The following SUMF1 variants were observed in gnomAD, a reference collection of about 807,000 sequenced individuals.
The protein encoded by SUMF1 is sulfatase modifying factor 1.
Under a neutral mutation model 47.6 loss-of-function variants are expected in SUMF1, and 48 were observed. That is an observed-to-expected ratio of 1.01 (90% CI 0.80 to 1.28). The LOEUF is 1.28. Ranked by LOEUF, SUMF1 falls within the 50% of genes most tolerant of loss-of-function variation. SUMF1 has a pLI of 0.00. For synonymous variants in SUMF1, 230 were observed against 192.1 expected (o/e 1.20, Z -1.63); for missense variants, 571 against 485.4 (o/e 1.18, Z -1.66).
At chr3:4,327,763 A>T (rs557514063) in intron 8 of SUMF1, among the ~76,000 whole-genome samples, 2 of 152,296 alleles carry the variant, frequency 1.3e-5, no homozygotes, top group South Asian at 4.1e-4. Flanking sequence ...CTAATATCTA[A>T]AAAAGTTAAT....
chr3:4,351,805 T>G (rs550271321), intron 8 of SUMF1, among the ~76,000 whole-genome samples: 1 of 152,326 alleles, frequency 6.6e-6, no homozygotes, highest in Admixed American at 6.5e-5. Flanking sequence ...GCATCAACCC[T>G]TCAAGTTTGG....
At chr3:4,303,599 T>A in intron 8 of SUMF1, 9 of 1,375,094 alleles carry the variant, frequency 6.5e-6, no homozygotes, top group Non-Finnish European at 8.4e-6. Context: ...GCCGCCTCGC[T>A]GGGACGGCCT....
chr3:4,277,775 T>C (rs1008701658), intron 8 of SUMF1, among the ~76,000 whole-genome samples: 1 of 152,078 alleles, frequency 6.6e-6, no homozygotes, highest in African/African-American at 2.4e-5. Flanking sequence ...AGTACCTCCA[T>C]TAAATAATAG....
rs138581144 is a variant in SUMF1 at position 4,175,236 on chromosome 3, G to A, written c.1015-106491C>T. 3.0e-3 allele frequency among the ~76,000 whole-genome samples: 464 copies of A among 152,252 alleles called. 3 individuals are homozygous for A. Among genetic ancestry groups the A allele is most frequent in the African/African-American group, 0.01 (431 of 41,562 alleles). ...AATGGACAGACTGCCTCCTCAAGTG[G>A]GCCCCTGACCCCCGTGTAGCCTAAC... On this transcript the variant is annotated intron_variant and NMD_transcript_variant, in intron 8 of 12. Transcript: ENST00000448413.
At chr3:4,170,464 C>G (rs1694808969) in intron 8 of SUMF1, among the ~76,000 whole-genome samples, 1 of 152,104 alleles carries the variant, frequency 6.6e-6, no homozygotes, top group African/African-American at 2.4e-5. Flanking sequence ...ACCAATGCAC[C>G]AATTTAAGCG....
At chr3:4,290,314 A>G (rs1281525998) in intron 8 of SUMF1, among the ~76,000 whole-genome samples, 1 of 149,008 alleles carries the variant, frequency 6.7e-6, no homozygotes, top group East Asian at 1.9e-4. Context: ...AGCAAAGGAA[A>G]ACGTTTATCT....
chr3:4,100,889 A>G (rs1433964993), intron 8 of SUMF1, among the ~76,000 whole-genome samples: 1 of 152,100 alleles, frequency 6.6e-6, no homozygotes, highest in East Asian at 1.9e-4. Flanking sequence ...AATGATCAAC[A>G]GATGTATAAA....
chr3:4,273,177 T>C (rs1406581831), intron 8 of SUMF1, among the ~76,000 whole-genome samples: 2 of 151,068 alleles, frequency 1.3e-5, no homozygotes, highest in Non-Finnish European at 2.9e-5. Context: ...CACTCCTAGA[T>C]GGAAGAGAAG....
At chr3:4,325,121 AC>A (rs748041829) in intron 8 of SUMF1, among the ~76,000 whole-genome samples, 27 of 152,090 alleles carry the variant, frequency 1.8e-4, no homozygotes, top group Non-Finnish European at 3.7e-4. Flanking sequence ...TAATTCAATT[AC>A]CTCCCACCAG....
intron 8 of SUMF1, among the ~76,000 whole-genome samples, chr3:4,138,552 A>G (rs1320855403): frequency 1.3e-5 from 2 of 152,108 alleles, no homozygotes; most frequent in African/African-American, 2.4e-5. Context: ...GTCTTACTAA[A>G]AACTCTGAAA....
chr3:4,348,841 C>G lies in SUMF1; in HGVS notation c.1014+27489G>C, dbSNP rs555571001. Among the ~76,000 whole-genome samples the G allele has an allele frequency of 2.3e-4, 35 of 152,318 alleles. 1 individual carries two copies. The highest frequency in any genetic ancestry group is 1.9e-3 in the Admixed American group (29 of 15,290). On this transcript the variant is annotated intron_variant and NMD_transcript_variant, in intron 8 of 12. Coordinates refer to the SUMF1 transcript ENST00000448413. ...GGTGAGCCAAGATCACGCCATTGCA[C>G]TCCAGCCTGGGCAACAAGAGCGAAG...
chr3:4,057,842 T>C (rs890754989), intron 9 of SUMF1, among the ~76,000 whole-genome samples: 1 of 152,110 alleles, frequency 6.6e-6, no homozygotes, highest in African/African-American at 2.4e-5. Context: ...AGAAGTTAAC[T>C]TGTCTCAAGT....
At chr3:4,440,744 C>T (rs1179896844) in intron 3 of SUMF1, among the ~76,000 whole-genome samples, 1 of 152,194 alleles carries the variant, frequency 6.6e-6, no homozygotes, top group Non-Finnish European at 1.5e-5. Flanking sequence ...TAGCCTACTC[C>T]TCTCATTTGT....
Position 4,225,174 on chromosome 3 carries a change from C to T in SUMF1, c.1014+151156G>A, listed in dbSNP as rs62258089. On this transcript the variant is annotated intron_variant and NMD_transcript_variant, in intron 8 of 12. Coordinates refer to the SUMF1 transcript ENST00000448413. ...GAGAAAAACATCTCCACCCACAGCA[C>T]ATTTGGCCACTGGAGATAGTTAATC... Among the ~76,000 whole-genome samples, 411 of 152,222 alleles carry T rather than the reference C, an allele frequency of 2.7e-3. 1 individual carries two copies. Among genetic ancestry groups the T allele is most frequent in the Non-Finnish European group, 4.8e-3 (329 of 68,002 alleles).
intron 8 of SUMF1, among the ~76,000 whole-genome samples, chr3:4,231,279 G>A (rs779744314): frequency 4.6e-5 from 7 of 152,066 alleles, no homozygotes; most frequent in South Asian, 2.1e-4. Flanking sequence ...TAACCTTTAG[G>A]ACTTCAGTTT....
chr3:4,451,873 C>T (rs1441966113), intron 2 of SUMF1, among the ~76,000 whole-genome samples: 2 of 152,094 alleles, frequency 1.3e-5, no homozygotes, highest in East Asian at 1.9e-4. Context: ...TTAGTAGAGA[C>T]GGGGTTTCAC....
chr3:4,394,231 G>A (rs914265705), intron 7 of SUMF1, among the ~76,000 whole-genome samples: 3 of 152,012 alleles, frequency 2.0e-5, no homozygotes, highest in South Asian at 2.1e-4. Context: ...GTGCAGTGGC[G>A]TGATCATGAC....
intron 3 of SUMF1, among the ~76,000 whole-genome samples, chr3:4,423,837 G>C (rs927531079): frequency 6.6e-6 from 1 of 152,072 alleles, no homozygotes; most frequent in African/African-American, 2.4e-5. Context: ...AGGAGATCTG[G>C]TCAAAAGTGT....
At chr3:4,058,968 G>A (rs1224073486) in intron 9 of SUMF1, among the ~76,000 whole-genome samples, 1 of 152,136 alleles carries the variant, frequency 6.6e-6, no homozygotes, top group East Asian at 1.9e-4. Flanking sequence ...AATAATGGGT[G>A]ACTGCATTCA....
Sources: gnomAD v4.1 joint callset for allele counts (sites outside exome capture counted in the v4.1 genomes callset) on GRCh38, gnomAD v4.1.1 for gene constraint, MANE v1.5 for transcripts, NCBI Gene and HGNC (gene_info 2026-07-23, HGNC 2026-07-21) for gene names.